POU2F2: variants seen among roughly 807,000 people sequenced by gnomAD.
POU2F2 encodes POU domain, class 2, transcription factor 2.
Under a neutral mutation model 63.5 loss-of-function variants are expected in POU2F2, and 14 were observed. The ratio of observed to expected loss-of-function variants is 0.22; its 90% CI spans 0.15 to 0.34. POU2F2 has a LOEUF of 0.34. Among genes scored for constraint, POU2F2 ranks in the 10% least tolerant of loss-of-function variants. The pLI, the probability that POU2F2 is intolerant of heterozygous loss-of-function variation, is 1.00. For missense variants in POU2F2, 607 were observed against 815.2 expected (o/e 0.74, Z 3.11); for synonymous variants, 306 against 348.6 (o/e 0.88, Z 1.36).
intron 2 of POU2F2, among the ~76,000 whole-genome samples, chr19:42,146,218 T>C (rs548449625): frequency 4.6e-5 from 7 of 152,244 alleles, no homozygotes; most frequent in Non-Finnish European, 7.4e-5. Context: ...GTTAAATCAC[T>C]TGGCTGGAGA....
chr19:42,185,822 G>A (rs930211404), intron 1 of POU2F2, among the ~76,000 whole-genome samples: 7 of 152,188 alleles, frequency 4.6e-5, no homozygotes, highest in African/African-American at 1.7e-4. Flanking sequence ...GGTCCAGTAA[G>A]AGACACAAAT....
At chr19:42,196,159 G>C (rs1043037101) in intron 1 of POU2F2, among the ~76,000 whole-genome samples, 1 of 151,972 alleles carries the variant, frequency 6.6e-6, no homozygotes, top group East Asian at 1.9e-4. Context: ...GCTCCGACCC[G>C]CTGTGTCCAC....
At chr19:42,091,693 C>G (rs776582914) in intron 14 of POU2F2, 102 bp from the exon 15 acceptor site, 1 of 1,551,226 alleles carries the variant, frequency 6.4e-7, no homozygotes, top group East Asian at 2.4e-5. Flanking sequence ...CCCCATCGGT[C>G]CCACTGACCC....
At chr19:42,134,132 C>T (rs578234386), upstream of POU2F2, among the ~76,000 whole-genome samples, 2 of 150,814 alleles carry the variant, frequency 1.3e-5, no homozygotes, top group South Asian at 4.1e-4. Flanking sequence ...GGAGCCTTGT[C>T]TCAAAGCGAC....
intron 2 of POU2F2, among the ~76,000 whole-genome samples, chr19:42,137,702 A>G (rs1038180955): frequency 1.1e-4 from 16 of 152,284 alleles, no homozygotes; most frequent in Admixed American, 5.9e-4. Flanking sequence ...TGGGTGACAG[A>G]GAGAGACCCT....
chr19:42,157,263 A>G (rs903031366), intron 2 of POU2F2: 1 of 152,350 alleles, frequency 6.6e-6, no homozygotes, highest in African/African-American at 2.4e-5. Flanking sequence ...CTTACCTTTC[A>G]GGAGTTCTCT....
intron 5 of POU2F2, among the ~76,000 whole-genome samples, chr19:42,114,357 T>C (rs1237505828): frequency 1.3e-5 from 2 of 152,058 alleles, no homozygotes; most frequent in Admixed American, 6.6e-5. Flanking sequence ...GAAGTCATCA[T>C]GACTTCCTAG....
Position 42,112,102 on chromosome 19 carries a change from A to C in POU2F2, c.369+5148T>G, listed in dbSNP as rs1046147508. ...GGACAGACAGGCAACAGCAGATCCC[A>C]ACCCAGGAACCAGTGGGAGCAACTG... On this transcript the variant is annotated intron_variant, in intron 5 of 14. Coordinates refer to ENST00000692977, the MANE Select transcript of POU2F2 (RefSeq NM_001394376.1). Among the ~76,000 whole-genome samples, 10 of 152,354 alleles carry C rather than the reference A, an allele frequency of 6.6e-5. 1 individual carries two copies. The highest frequency in any genetic ancestry group is 6.5e-4 in the Admixed American group (10 of 15,304).
intron 1 of POU2F2, among the ~76,000 whole-genome samples, chr19:42,172,972 T>C (rs1015110152): frequency 1.2e-4 from 18 of 152,232 alleles, no homozygotes; most frequent in Admixed American, 5.2e-4. Flanking sequence ...ACCTTGGTTC[T>C]AGCGCCAGCA....
chr19:42,176,491 C>G (rs1327803058), upstream of POU2F2, among the ~76,000 whole-genome samples: 1 of 152,086 alleles, frequency 6.6e-6, no homozygotes, highest in African/African-American at 2.4e-5. Flanking sequence ...CTCGCTCCTC[C>G]GCTCCTCCGC....
chr19:42,183,443 G>A lies in POU2F2; in HGVS notation c.-70+12940C>T, dbSNP rs374751114. 2.6e-4 allele frequency among the ~76,000 whole-genome samples: 40 copies of A among 152,256 alleles called. No individual in the cohort carries two copies. The South Asian group carries it at 7.7e-3, about 29-fold the overall frequency. ...GAAAAGGGCTGCAGTGGAAGGAGGGGACTGACAGCAAAGGCGCCGGAGGGA... is the reference window on the plus strand; with the variant it reads ...GAAAAGGGCTGCAGTGGAAGGAGGGAACTGACAGCAAAGGCGCCGGAGGGA... On this transcript the variant is annotated intron_variant, in intron 1 of 5. Coordinates refer to the POU2F2 transcript ENST00000532176.
chr19:42,172,505 G>A (rs1045465226), intron 1 of POU2F2, among the ~76,000 whole-genome samples: 2 of 152,170 alleles, frequency 1.3e-5, no homozygotes, highest in African/African-American at 2.4e-5. Context: ...TTCCGAATGC[G>A]TCAGAGCTGG....
chr19:42,132,452 C>T, upstream of POU2F2: 3 of 1,435,336 alleles, frequency 2.1e-6, no homozygotes, highest in South Asian at 4.6e-5. Flanking sequence ...ACTGTGTCAT[C>T]TCCCCACCCT....
In POU2F2 at chr19:42,091,100, T is replaced by C. The variant is rs899206402; in HGVS notation, c.*157A>G. ...TTGTTGGTTAGTTTCTTTCCTTTTT[T>C]TTTTTTTTTTTGGTTGGTTGTTTTT... is the stretch of plus-strand genomic sequence containing the variant. On this transcript the variant is annotated 3_prime_UTR_variant, in exon 15 of 15. Transcript: ENST00000692977. The C allele has an allele frequency of 5.4e-6, 3 of 560,374 alleles. No individual in the cohort carries two copies. In the African/African-American group the frequency reaches 5.8e-5, roughly 11 times the overall value. 34.7% of individuals were successfully genotyped at this position (560,374 alleles called of 1,614,324 possible).
At position 42,089,706 on chromosome 19, in the gene POU2F2, C is replaced by A. The variant is rs1393222581; in HGVS notation, c.*1551G>T. 1 of 140,924 alleles carries A rather than the reference C, an allele frequency of 7.1e-6. No homozygotes were observed. Among genetic ancestry groups the A allele is most frequent in the East Asian group, 2.1e-4 (1 of 4,802 alleles). 8.7% of individuals were successfully genotyped at this position (140,924 alleles called of 1,614,324 possible). The stretch of plus-strand genomic sequence containing the variant: ...TCTTGAAGAGTCCTCATCTTCTTTC[C>A]CTTTTATATATATATATATATATAT... On this transcript the variant is annotated 3_prime_UTR_variant, in exon 15 of 15. Coordinates refer to ENST00000692977, the MANE Select transcript of POU2F2 (RefSeq NM_001394376.1).
At chr19:42,119,548 C>T (rs2032339977) in intron 4 of POU2F2, among the ~76,000 whole-genome samples, 1 of 152,160 alleles carries the variant, frequency 6.6e-6, no homozygotes, top group Non-Finnish European at 1.5e-5. Context: ...TGGCACACAC[C>T]TGTAATCCCA....
At chr19:42,191,652 G>A (rs1277176860) in intron 1 of POU2F2, among the ~76,000 whole-genome samples, 1 of 152,192 alleles carries the variant, frequency 6.6e-6, no homozygotes, top group African/African-American at 2.4e-5. Context: ...AGGGAGAGAA[G>A]CCAGGAGGGG....
intron 1 of POU2F2, among the ~76,000 whole-genome samples, chr19:42,172,452 G>A (rs150125029): frequency 3.1e-4 from 47 of 152,264 alleles, no homozygotes; most frequent in African/African-American, 1.1e-3. Context: ...AATACCTATT[G>A]AATGCAGGGA....
chr19:42,091,966 A>G, intron 13 of POU2F2, 26 bp from the exon 14 acceptor site: 2 of 1,538,808 alleles, frequency 1.3e-6, no homozygotes, highest in East Asian at 4.9e-5. Flanking sequence ...CAGAGGCATT[A>G]GCAGGGGCAG....
Sources: allele counts gnomAD v4.1 joint callset (sites outside exome capture counted in the v4.1 genomes callset), GRCh38; gene constraint gnomAD v4.1.1; transcripts MANE v1.5; gene names NCBI Gene and HGNC (gene_info 2026-07-23, HGNC 2026-07-21).